Variants in DCDC1 observed in about 807,000 individuals in gnomAD.
DCDC1 encodes the protein doublecortin domain-containing protein 1.
DCDC1 carries 200 observed loss-of-function variants against 178.3 expected under a neutral mutation model. The observed-to-expected ratio is 1.12, with a 90% confidence interval of 1.00 to 1.26. DCDC1 has a LOEUF of 1.26. DCDC1 is among the 50% of genes most tolerant of loss of function. DCDC1 has a pLI of 0.00. For synonymous variants in DCDC1, 690 were observed against 604.8 expected, an observed-to-expected ratio of 1.14 and a Z score of -2.07; for missense variants, 1,983 against 1,749.2, an observed-to-expected ratio of 1.13 and a Z score of -2.38.
rs139406854 is a variant in DCDC1 at position 31,251,887 on chromosome 11, T to G, written c.1055-10271A>C. Among the ~76,000 whole-genome samples, 330 of 152,214 alleles carry G rather than the reference T, an allele frequency of 2.2e-3. 2 individuals carry two copies. The highest frequency in any genetic ancestry group is 7.3e-3 in the African/African-American group (302 of 41,552). ...TTTGAGAAACAGAAACAAAGTGATT[T>G]GAGTGCAGAGTGGAAGGAGCCAGTA... On this transcript the variant is annotated intron_variant, in intron 8 of 38. Transcript: ENST00000684477.
intron 12 of DCDC1, among the ~76,000 whole-genome samples, chr11:31,108,857 T>G (rs1218315689): frequency 6.6e-6 from 1 of 152,192 alleles, no homozygotes; most frequent in Admixed American, 6.5e-5. Flanking sequence ...TCTTTAAAGC[T>G]ATCATCACCA....
intron 21 of DCDC1, among the ~76,000 whole-genome samples, chr11:30,946,367 T>G (rs1948056142): frequency 6.6e-6 from 1 of 152,208 alleles, no homozygotes; most frequent in African/African-American, 2.4e-5. Flanking sequence ...CACCCCTTCA[T>G]GCTTGGCCCC....
intron 9 of DCDC1, among the ~76,000 whole-genome samples, chr11:31,213,130 T>TCC (rs1972916429): frequency 7.3e-6 from 1 of 137,272 alleles, no homozygotes; most frequent in African/African-American, 2.8e-5. Context: ...TCTCTCTCTC[T>TCC]CTCTCTCTCT....
At chr11:31,228,818 T>C (rs1367575414) in intron 9 of DCDC1, among the ~76,000 whole-genome samples, 4 of 152,052 alleles carry the variant, frequency 2.6e-5, no homozygotes, top group African/African-American at 9.7e-5. Context: ...CAAAGATCAT[T>C]AAACTACTAA....
intron 10 of DCDC1, among the ~76,000 whole-genome samples, chr11:31,132,659 C>G (rs781092416): frequency 1.3e-5 from 2 of 152,078 alleles, no homozygotes; most frequent in Non-Finnish European, 2.9e-5. Context: ...AACATAGAGG[C>G]CTGAGAGACA....
At chr11:30,894,987 A>C (rs1944088776) in intron 34 of DCDC1, among the ~76,000 whole-genome samples, 1 of 152,230 alleles carries the variant, frequency 6.6e-6, no homozygotes, top group African/African-American at 2.4e-5. Context: ...GGCACAATTT[A>C]ATAAGTGTGG....
At chr11:31,269,590 G>A (rs2137150217) in intron 7 of DCDC1, among the ~76,000 whole-genome samples, 1 of 152,006 alleles carries the variant, frequency 6.6e-6, no homozygotes, top group African/African-American at 2.4e-5. Context: ...TAGCTATGTT[G>A]CCCAGGCTGG....
chr11:30,925,502 T>G (rs1023161129), intron 22 of DCDC1, 94 bp from the exon 23 acceptor site: 1 of 1,068,396 alleles, frequency 9.4e-7, no homozygotes, highest in African/African-American at 1.6e-5. Context: ...GAATCCATAA[T>G]GACAACTCTC....
intron 20 of DCDC1, among the ~76,000 whole-genome samples, chr11:31,063,645 G>A (rs900252368): frequency 3.3e-5 from 5 of 152,124 alleles, no homozygotes; most frequent in Admixed American, 1.3e-4. Context: ...TTGGGAGAGC[G>A]AAGTGGGAGG....
At chr11:30,872,914 C>T (rs1479659513) in intron 38 of DCDC1, among the ~76,000 whole-genome samples, 2 of 151,890 alleles carry the variant, frequency 1.3e-5, no homozygotes, top group Non-Finnish European at 2.9e-5. Context: ...ATGAGCCCCA[C>T]GGGGACAGGG....
In DCDC1 at chr11:31,091,492, C is replaced by A; in HGVS notation, c.2138G>T (p.Arg713Leu). Residue 713 changes from arginine (R) to leucine (L), a missense_variant, in exon 17 of 39, where the codon CGA (arginine) becomes CTA (leucine). Physicochemically the swap from Arg to Leu is moderately radical, Grantham distance 102. Transcript: ENST00000684477. ...AGCCAGGCAGCCCTGAGTTATCGCT[C>A]GGCTCAGGATCATTCCAGTCTTCCA... ...LITKTGMILS[R>L]AITQGCLAIG... 1 of 756,264 alleles carries A rather than the reference C, an allele frequency of 1.3e-6. No homozygotes were observed. The highest frequency in any genetic ancestry group is 1.4e-5 in the South Asian group (1 of 72,530). 46.8% of individuals were successfully genotyped at this position (756,264 alleles called of 1,614,324 possible).
At position 31,298,085 on chromosome 11, in the gene DCDC1, C is replaced by T. The variant is rs569058770; in HGVS notation, c.755-7233G>A. 1.3e-4 allele frequency among the ~76,000 whole-genome samples: 20 copies of T among 152,270 alleles called. No individual in the cohort carries two copies. The East Asian group carries it at 3.5e-3, about 26-fold the overall frequency. On this transcript the variant is annotated intron_variant, in intron 6 of 38. Transcript: ENST00000684477. The stretch of plus-strand genomic sequence containing the variant: ...TGACTGAGACCTGTCTCAGATATTC[C>T]GAGTTCACAAATCTCAACGGCAGTA...
At chr11:31,241,881 T>C (rs1475558) in intron 8 of DCDC1, 86,421 of 253,668 alleles carry the variant, frequency 0.34, 15,875 homozygotes, top group East Asian at 0.62. Context: ...CTGCACAGAG[T>C]GTCATGGTGT....
intron 9 of DCDC1, among the ~76,000 whole-genome samples, chr11:31,157,951 A>G (rs1237162017): frequency 1.3e-5 from 2 of 152,164 alleles, no homozygotes; most frequent in Non-Finnish European, 2.9e-5. Flanking sequence ...GATGTGCAAT[A>G]TGATGTTCTG....
intron 36 of DCDC1, among the ~76,000 whole-genome samples, chr11:30,885,906 A>G (rs1411681825): frequency 6.6e-6 from 1 of 152,124 alleles, no homozygotes; most frequent in Non-Finnish European, 1.5e-5. Flanking sequence ...TCATTGCAGC[A>G]CTCTTCATAA....
intron 20 of DCDC1, among the ~76,000 whole-genome samples, chr11:30,977,568 T>C (rs1356824376): frequency 6.6e-6 from 1 of 152,218 alleles, no homozygotes; most frequent in African/African-American, 2.4e-5. Context: ...ATTTAATGAA[T>C]ATATTTGTTC....
intron 18 of DCDC1, among the ~76,000 whole-genome samples, chr11:31,072,956 A>G (rs923065241): frequency 6.6e-6 from 1 of 152,188 alleles, no homozygotes; most frequent in African/African-American, 2.4e-5. Context: ...ATTAGTTATT[A>G]ATATCCTAAA....
chr11:31,355,866 G>A (rs1183035673), intron 1 of DCDC1, among the ~76,000 whole-genome samples: 3 of 152,136 alleles, frequency 2.0e-5, no homozygotes, highest in Non-Finnish European at 2.9e-5. Flanking sequence ...ACCGCACCTG[G>A]CTGACGATCT....
chr11:30,893,227 A>C (rs975959916), intron 35 of DCDC1, among the ~76,000 whole-genome samples: 5 of 152,202 alleles, frequency 3.3e-5, no homozygotes, highest in African/African-American at 1.2e-4. Flanking sequence ...AATAATAATA[A>C]GGCACTCATT....
Sources: allele counts gnomAD v4.1 joint callset (sites outside exome capture counted in the v4.1 genomes callset), GRCh38; gene constraint gnomAD v4.1.1; transcripts MANE v1.5; gene names NCBI Gene and HGNC (gene_info 2026-07-23, HGNC 2026-07-21).